Variants in RB1CC1 observed in about 807,000 individuals in gnomAD.
RB1CC1 encodes RB1-inducible coiled-coil protein 1.
In RB1CC1, 46 loss-of-function variants were observed where a neutral mutation model predicts 177.5. That is an observed-to-expected ratio of 0.26 (90% CI 0.20 to 0.33). The LOEUF (loss-of-function observed/expected upper bound fraction) is 0.33, where lower values mean the gene tolerates loss of function less well. Among genes scored for constraint, RB1CC1 ranks in the 10% least tolerant of loss-of-function variants. RB1CC1 has a pLI of 1.00. For missense variants in RB1CC1, 1,703 were observed against 1,816.3 expected, an observed-to-expected ratio of 0.94 and a Z score of 1.13; for synonymous variants, 666 against 613.6, an observed-to-expected ratio of 1.09 and a Z score of -1.26.
intron 5 of RB1CC1, among the ~76,000 whole-genome samples, chr8:52,680,994 GTTTT>G (rs1554548481): frequency 1.6e-5 from 2 of 128,624 alleles, no homozygotes; most frequent in Non-Finnish European, 3.2e-5. Context: ...GTGTGTGTGT[GTTTT>G]TTTTTTTTTT....
At chr8:52,712,709 T>A (rs1857162618) in intron 1 of RB1CC1, among the ~76,000 whole-genome samples, 1 of 152,232 alleles carries the variant, frequency 6.6e-6, no homozygotes, top group Admixed American at 6.5e-5. Flanking sequence ...GTAAGCATTA[T>A]GTGCCTAAAG....
intron 20 of RB1CC1, 80 bp from the exon 21 acceptor site, chr8:52,630,608 T>C: frequency 7.1e-7 from 1 of 1,410,408 alleles, no homozygotes; most frequent in Non-Finnish European, 9.4e-7. Context: ...TCACCCACTG[T>C]TATACACATT....
intron 8 of RB1CC1, among the ~76,000 whole-genome samples, chr8:52,667,021 C>T (rs1852126338): frequency 6.6e-6 from 1 of 152,116 alleles, no homozygotes; most frequent in Non-Finnish European, 1.5e-5. Context: ...TCAAGATGCA[C>T]TACAAGCCCA....
intron 18 of RB1CC1, among the ~76,000 whole-genome samples, chr8:52,641,731 T>C (rs771404877): frequency 1.1e-4 from 17 of 152,134 alleles, no homozygotes; most frequent in Non-Finnish European, 2.1e-4. Context: ...AGTTCCCATA[T>C]CTGAAATCCC....
chr8:52,630,569 G>GT (rs1210238306), intron 20 of RB1CC1, 41 bp from the exon 21 acceptor site: 1 of 1,524,060 alleles, frequency 6.6e-7, no homozygotes, highest in Non-Finnish European at 8.8e-7. Flanking sequence ...CACAATTTGA[G>GT]TACCACATGC....
At chr8:52,686,648 T>C (rs1007399052) in intron 2 of RB1CC1, among the ~76,000 whole-genome samples, 5 of 152,190 alleles carry the variant, frequency 3.3e-5, no homozygotes, top group Admixed American at 6.5e-5. Context: ...AAAAGATCCA[T>C]AAGATTAATG....
intron 5 of RB1CC1, among the ~76,000 whole-genome samples, chr8:52,678,079 A>C (rs551115880): frequency 6.6e-6 from 1 of 152,324 alleles, no homozygotes; most frequent in African/African-American, 2.4e-5. Context: ...TAAATTTATG[A>C]TATTTCAAAA....
intron 5 of RB1CC1, among the ~76,000 whole-genome samples, chr8:52,678,404 C>A (rs556370334): frequency 1.3e-5 from 2 of 152,060 alleles, no homozygotes; most frequent in South Asian, 4.1e-4. Context: ...GTGGCAAGAG[C>A]GAAAACTCCA....
At chr8:52,632,023 C>T (rs923968141) in intron 20 of RB1CC1, among the ~76,000 whole-genome samples, 8 of 152,076 alleles carry the variant, frequency 5.3e-5, no homozygotes, top group African/African-American at 1.2e-4. Context: ...TGAACAATCA[C>T]GAAACAATGA....
intron 21 of RB1CC1, among the ~76,000 whole-genome samples, chr8:52,629,686 T>G (rs926710406): frequency 6.6e-5 from 10 of 152,236 alleles, no homozygotes; most frequent in Admixed American, 5.9e-4. Flanking sequence ...GCCTGCTACC[T>G]GGAGGCTTCA....
chr8:52,661,523 T>C lies in RB1CC1; in HGVS notation c.1358+12A>G. ...CTAAACATCTTAAAACAGATATAAA[T>C]GAATCACTTACTTCAGTCTGACATG... On this transcript the variant is annotated intron_variant, in intron 9 of 23. Transcript: ENST00000025008. 6.4e-7 allele frequency: 1 copy of C among 1,574,440 alleles called. No individual in the cohort carries two copies.
chr8:52,656,229 T>A lies in RB1CC1; in HGVS notation c.3600A>T (p.Gln1200His), dbSNP rs374940725. 9 of 1,613,268 alleles carry A rather than the reference T, an allele frequency of 5.6e-6. No homozygotes were observed. The African/African-American group carries it at 1.1e-4, about 19-fold the overall frequency. Residue 1200 changes from glutamine (Q) to histidine (H), a missense_variant, in exon 15 of 24, where the codon CAA (glutamine) becomes CAT (histidine). Physicochemically the swap from Gln to His is conservative, Grantham distance 24. This residue lies in a region of RB1CC1 where 1,169 missense variants were observed against 1,184.7 expected (regional missense o/e 0.99). Coordinates refer to ENST00000025008, the MANE Select transcript of RB1CC1 (RefSeq NM_014781.5). ...LERQKDEKIT[Q>H]QEEKYEAIIQ... Reference sequence around the variant, plus strand: ...TAATAGCTTCGTATTTCTCTTCTTGTTGGGTAATTTTTTCATCTTTTTGTC... The same window carrying A: ...TAATAGCTTCGTATTTCTCTTCTTGATGGGTAATTTTTTCATCTTTTTGTC...
intron 19 of RB1CC1, 99 bp downstream of exon 19, chr8:52,635,916 T>C: frequency 1.4e-6 from 2 of 1,412,264 alleles, no homozygotes; most frequent in Admixed American, 2.5e-5. Flanking sequence ...GCTTAATTTA[T>C]AAACACAAAT....
At chr8:52,668,626 C>T (rs546292261) in intron 7 of RB1CC1, among the ~76,000 whole-genome samples, 17 of 152,258 alleles carry the variant, frequency 1.1e-4, no homozygotes, top group African/African-American at 4.1e-4. Context: ...CTCAACGAAT[C>T]GGCTTGCTCA....
chr8:52,654,453 G>C (rs1035406502), intron 15 of RB1CC1, among the ~76,000 whole-genome samples: 20 of 144,480 alleles, frequency 1.4e-4, no homozygotes, highest in African/African-American at 4.9e-4. Flanking sequence ...GTAGCTTCCT[G>C]GCAAGTAACT....
chr8:52,657,839 T>C lies in RB1CC1; in HGVS notation c.1990A>G (p.Thr664Ala), dbSNP rs765748433. 6 of 1,614,036 alleles carry C rather than the reference T, an allele frequency of 3.7e-6. 1 individual carries two copies. In the South Asian group the frequency reaches 5.5e-5, roughly 15 times the overall value. Reference sequence around the variant, plus strand: ...GGAGGAGTTCTCGGTGAGGTAGTAGTTGTAATTCCTGCTGTACTTTCCATC... The same window carrying C: ...GGAGGAGTTCTCGGTGAGGTAGTAGCTGTAATTCCTGCTGTACTTTCCATC... ...PRMESTAGIT[T>A]TTSPRTPPPL... Residue 664 changes from threonine (T) to alanine (A), a missense_variant, in exon 15 of 24, where the codon ACT becomes GCT. Physicochemically the swap from Thr to Ala is moderately conservative, Grantham distance 58 (BLOSUM62 0). Coordinates refer to ENST00000025008, the MANE Select transcript of RB1CC1 (RefSeq NM_014781.5).
At chr8:52,654,237 C>T (rs1850881396) in intron 15 of RB1CC1, among the ~76,000 whole-genome samples, 1 of 152,190 alleles carries the variant, frequency 6.6e-6, no homozygotes, top group African/African-American at 2.4e-5. Flanking sequence ...GTATAAAGTG[C>T]TGGACTGTCT....
intron 15 of RB1CC1, among the ~76,000 whole-genome samples, chr8:52,652,146 TTTTCA>T (rs1850647629): frequency 6.6e-6 from 1 of 152,132 alleles, no homozygotes; most frequent in South Asian, 2.1e-4. Context: ...TTCTAACTAG[TTTTCA>T]TTTCAGAAAG....
chr8:52,658,990 AT>A lies in RB1CC1; in HGVS notation c.1690-15del. 1 of 1,446,850 alleles carries A rather than the reference AT, an allele frequency of 6.9e-7. No individual in the cohort carries two copies. The highest frequency in any genetic ancestry group is 1.5e-5 in the South Asian group (1 of 68,656). The allele number at this position is 1,446,850 out of a possible 1,614,324, so 89.6% of individuals were successfully genotyped here. ...AGGCTTTTGAGTCTGTACCAAAAAA[AT>A]TAATTACTTAAAAAATTTTTTTTCA... On this transcript the variant is annotated splice_polypyrimidine_tract_variant and intron_variant, in intron 12 of 23. Transcript: ENST00000025008.
Sources: gnomAD v4.1 joint callset for allele counts (sites outside exome capture counted in the v4.1 genomes callset) on GRCh38, gnomAD v4.1.1 for gene constraint, gnomAD v4.1.1 regional missense constraint, MANE v1.5 for transcripts, NCBI Gene and HGNC (gene_info 2026-07-23, HGNC 2026-07-21) for gene names.